The following GULP1 variants were observed in gnomAD, a reference collection of about 807,000 sequenced individuals.
The protein encoded by GULP1 is GULP PTB domain containing engulfment adaptor 1.
A neutral mutation model predicts 40.9 loss-of-function variants in GULP1; 19 were observed. The ratio of observed to expected loss-of-function variants is 0.46; its 90% confidence interval spans 0.32 to 0.68. The LOEUF is 0.68. GULP1 is among the 30% of genes least tolerant of loss of function. The pLI, the probability that GULP1 is intolerant of heterozygous loss-of-function variation, is 0.03. For synonymous variants in GULP1, 119 were observed against 117.6 expected, an observed-to-expected ratio of 1.01 and a Z score of -0.08; for missense variants, 312 against 362.2, an observed-to-expected ratio of 0.86 and a Z score of 1.12.
At chr2:188,544,496 C>T (rs1050023974) in intron 7 of GULP1, among the ~76,000 whole-genome samples, 5 of 151,560 alleles carry the variant, frequency 3.3e-5, no homozygotes, top group South Asian at 2.1e-4. Context: ...ATGTAACAAA[C>T]GTGCATGTTG....
In GULP1 at chr2:188,408,198, C is replaced by T. The variant is rs578237751; in HGVS notation, c.-45+24309C>T. ...TTTGCTCTGTCTTGCCATGTGATGCCTCCCACCATTGTCATGATGTAGCAG... is the reference window on the plus strand; with the variant it reads ...TTTGCTCTGTCTTGCCATGTGATGCTTCCCACCATTGTCATGATGTAGCAG... On this transcript the variant is annotated intron_variant, in intron 2 of 11. Transcript: ENST00000409830. 2.6e-5 allele frequency among the ~76,000 whole-genome samples: 4 copies of T among 152,246 alleles called. No individual in the cohort carries two copies. In the East Asian group the frequency reaches 7.7e-4, roughly 29 times the overall value.
At chr2:188,357,494 TGAG>T (rs2045499866) in intron 1 of GULP1, among the ~76,000 whole-genome samples, 1 of 152,114 alleles carries the variant, frequency 6.6e-6, no homozygotes, top group Non-Finnish European at 1.5e-5. Context: ...AAAACTATGA[TGAG>T]ATGATAATTC....
intron 4 of GULP1, among the ~76,000 whole-genome samples, chr2:188,517,476 C>G (rs1411441219): frequency 1.3e-5 from 2 of 151,936 alleles, no homozygotes; most frequent in Non-Finnish European, 2.9e-5. Flanking sequence ...TTATTGCGCT[C>G]CCTCTACTTT....
In GULP1 at chr2:188,587,894, A is replaced by C; in HGVS notation, c.788A>C (p.Asn263Thr). The change falls in exon 11 of 12, where the codon AAC becomes ACC. Residue 263 changes from asparagine to threonine, a missense_variant. Asn to Thr is a moderately conservative substitution (Grantham distance 65). Transcript: ENST00000409830. ...GGAGCAGAACCTTTTGACCCATTTA[A>C]CTGTGGAGCAGCAGATTTCCCTCCA... ...LFGAEPFDPF[N>T]CGAADFPPDI... 1 of 1,611,202 alleles carries C rather than the reference A, an allele frequency of 6.2e-7. No individual in the cohort carries two copies. Among genetic ancestry groups the C allele is most frequent in the Non-Finnish European group, 8.5e-7 (1 of 1,177,456 alleles).
chr2:188,346,486 T>C (rs986622783), intron 1 of GULP1, among the ~76,000 whole-genome samples: 1 of 151,994 alleles, frequency 6.6e-6, no homozygotes, highest in Admixed American at 6.6e-5. Context: ...TCTTTTTTTT[T>C]CTTTCTTTTC....
chr2:188,430,408 C>G (rs1000797068), intron 2 of GULP1, among the ~76,000 whole-genome samples: 5 of 152,258 alleles, frequency 3.3e-5, no homozygotes, highest in Admixed American at 3.3e-4. Context: ...TGGGAAGCTC[C>G]TTCGGATAAC....
chr2:188,389,818 C>T (rs1050163463), intron 2 of GULP1, among the ~76,000 whole-genome samples: 2 of 152,044 alleles, frequency 1.3e-5, no homozygotes, highest in Admixed American at 6.6e-5. Flanking sequence ...TCTCTTATAC[C>T]ACTCTGTATG....
Position 188,460,449 on chromosome 2 carries a change from G to A in GULP1, c.-44-17210G>A, listed in dbSNP as rs1482113530. Among the ~76,000 whole-genome samples, 4 of 142,220 alleles carry A rather than the reference G, an allele frequency of 2.8e-5. No homozygotes were observed. The South Asian group carries it at 8.9e-4, about 32-fold the overall frequency. 93.3% of individuals were successfully genotyped at this position (142,220 alleles called of 152,430 possible). The stretch of plus-strand genomic sequence containing the variant: ...TTTTTTTTTTTTTAGATTGTTTACT[G>A]TTGGCATCTAAAAATCCTGTAGAAT... On this transcript the variant is annotated intron_variant, in intron 2 of 11. Transcript: ENST00000409830.
intron 1 of GULP1, among the ~76,000 whole-genome samples, chr2:188,379,642 T>G (rs910784602): frequency 2.0e-5 from 3 of 152,236 alleles, no homozygotes; most frequent in Non-Finnish European, 4.4e-5. Context: ...ACTGCTTCCC[T>G]GTTTAATCAT....
intron 1 of GULP1, among the ~76,000 whole-genome samples, chr2:188,376,149 G>A (rs2048272770): frequency 6.6e-6 from 1 of 152,006 alleles, no homozygotes. Context: ...TGTTGTTTAA[G>A]GGTTAACTGT....
chr2:188,372,043 T>C (rs924648555), intron 1 of GULP1, among the ~76,000 whole-genome samples: 3 of 152,132 alleles, frequency 2.0e-5, no homozygotes, highest in African/African-American at 7.2e-5. Context: ...TGGAAGACTT[T>C]TGTTTCTTTA....
At chr2:188,457,189 T>C (rs2059337565) in intron 2 of GULP1, among the ~76,000 whole-genome samples, 1 of 152,180 alleles carries the variant, frequency 6.6e-6, no homozygotes, top group South Asian at 2.1e-4. Flanking sequence ...GTTAAGACTT[T>C]GAGGGACTGT....
chr2:188,581,352 T>C (rs1163698709), intron 9 of GULP1, among the ~76,000 whole-genome samples: 1 of 152,220 alleles, frequency 6.6e-6, no homozygotes, highest in Non-Finnish European at 1.5e-5. Flanking sequence ...TCTGCAGTGA[T>C]ACATCTGACC....
intron 9 of GULP1, among the ~76,000 whole-genome samples, chr2:188,575,369 T>C (rs1411234806): frequency 2.0e-5 from 3 of 152,240 alleles, no homozygotes; most frequent in Admixed American, 1.3e-4. Flanking sequence ...TTTTACAGTT[T>C]ATGTATTTCA....
At chr2:188,545,825 C>G (rs72896851) in intron 7 of GULP1, among the ~76,000 whole-genome samples, 1 of 151,720 alleles carries the variant, frequency 6.6e-6, no homozygotes, top group Admixed American at 6.6e-5. Context: ...ATATCATCTA[C>G]AAGATGTTCA....
chr2:188,469,516 GCTTCAGGAA>G (rs919900975), intron 2 of GULP1, among the ~76,000 whole-genome samples: 5 of 152,104 alleles, frequency 3.3e-5, no homozygotes, highest in Non-Finnish European at 5.9e-5. Flanking sequence ...TTCTGGGGAG[GCTTCAGGAA>G]CCTCTAGTCA....
At chr2:188,365,684 G>A (rs897008542) in intron 1 of GULP1, among the ~76,000 whole-genome samples, 4 of 152,130 alleles carry the variant, frequency 2.6e-5, no homozygotes, top group East Asian at 1.9e-4. Flanking sequence ...AGAAAGGCAC[G>A]GTAAAGATAG....
At chr2:188,298,040 A>G (rs1383015826) in intron 1 of GULP1, among the ~76,000 whole-genome samples, 1 of 152,174 alleles carries the variant, frequency 6.6e-6, no homozygotes, top group Non-Finnish European at 1.5e-5. Flanking sequence ...GGTTATAAGT[A>G]CTAATGAGAG....
intron 6 of GULP1, among the ~76,000 whole-genome samples, chr2:188,538,901 AATTT>A (rs928995702): frequency 3.3e-5 from 5 of 152,142 alleles, no homozygotes; most frequent in Admixed American, 6.6e-5. Context: ...TTCTAAAATA[AATTT>A]ATTTATAGTT....
Sources: gnomAD v4.1 joint callset for allele counts (sites outside exome capture counted in the v4.1 genomes callset) on GRCh38, gnomAD v4.1.1 for gene constraint, MANE v1.5 for transcripts, NCBI Gene and HGNC (gene_info 2026-07-23, HGNC 2026-07-21) for gene names.